FAM193A: variants seen among roughly 807,000 people sequenced by gnomAD.
The protein encoded by FAM193A is protein FAM193A.
Under a neutral mutation model 126.5 loss-of-function variants are expected in FAM193A, and 22 were observed. The observed-to-expected ratio is 0.17, with a 90% CI of 0.12 to 0.25. FAM193A has a LOEUF of 0.25. Ranked by LOEUF, FAM193A falls within the 10% of genes least tolerant of loss-of-function variation. FAM193A has a pLI of 1.00. For missense variants in FAM193A, 1,675 were observed against 1,672.8 expected (o/e 1.00, Z -0.02); for synonymous variants, 761 against 646.8 (o/e 1.18, Z -2.68).
chr4:2,706,845 G>A (rs1718366878), intron 19 of FAM193A, among the ~76,000 whole-genome samples: 1 of 151,756 alleles, frequency 6.6e-6, no homozygotes, highest in South Asian at 2.1e-4. Context: ...AAAGCTTGTT[G>A]GGGCCGGGCT....
At chr4:2,571,904 G>A (rs560526263) in intron 1 of FAM193A, among the ~76,000 whole-genome samples, 1 of 150,624 alleles carries the variant, frequency 6.6e-6, no homozygotes, top group African/African-American at 2.4e-5. Flanking sequence ...TGTGGCTCAC[G>A]CCTGTAATCC....
chr4:2,620,546 C>T (rs1742476302), intron 2 of FAM193A, among the ~76,000 whole-genome samples: 1 of 151,992 alleles, frequency 6.6e-6, no homozygotes, highest in South Asian at 2.1e-4. Context: ...ACATTTTTAA[C>T]ATAAAGAATA....
At chr4:2,725,950 G>A (rs965306838) in intron 20 of FAM193A, among the ~76,000 whole-genome samples, 4 of 151,786 alleles carry the variant, frequency 2.6e-5, no homozygotes, top group African/African-American at 9.7e-5. Flanking sequence ...CCAGGCTGGA[G>A]TGCAGTGGCG....
intron 1 of FAM193A, among the ~76,000 whole-genome samples, chr4:2,571,101 T>C (rs1370992586): frequency 6.6e-6 from 1 of 152,224 alleles, no homozygotes; most frequent in East Asian, 1.9e-4. Flanking sequence ...GGCTCTGCTC[T>C]TTAGTGACTC....
intron 1 of FAM193A, among the ~76,000 whole-genome samples, chr4:2,538,741 A>T (rs950161447): frequency 7.2e-5 from 11 of 152,212 alleles, no homozygotes; most frequent in Admixed American, 2.0e-4. Flanking sequence ...TTTTTGGTGT[A>T]GCTGGATGTG....
rs1030055861 is a variant in FAM193A at position 2,712,105 on chromosome 4, G to A, written c.4373-3918G>A. Among the ~76,000 whole-genome samples the A allele has an allele frequency of 2.4e-4, 36 of 152,018 alleles. 3 individuals are homozygous for A. On this transcript the variant is annotated intron_variant, in intron 19 of 20. Coordinates refer to ENST00000637812, the MANE Select transcript of FAM193A (RefSeq NM_001366318.2). The stretch of plus-strand genomic sequence containing the variant: ...GCAAAACCTATTGATACTTTCTGAG[G>A]CCCAGTGTATGTCAGCTTTTGTAAC...
intron 7 of FAM193A, among the ~76,000 whole-genome samples, chr4:2,653,622 G>C (rs995341273): frequency 1.3e-5 from 2 of 152,080 alleles, no homozygotes; most frequent in Admixed American, 1.3e-4. Flanking sequence ...TTTTGTATTT[G>C]TAGTAGAGAC....
intron 2 of FAM193A, among the ~76,000 whole-genome samples, chr4:2,610,456 T>G (rs2108941047): frequency 6.6e-6 from 1 of 152,318 alleles, no homozygotes; most frequent in African/African-American, 2.4e-5. Flanking sequence ...TGAAAGTAGT[T>G]GCTAATGTAA....
At chr4:2,632,317 G>T (rs375754430) in intron 5 of FAM193A, among the ~76,000 whole-genome samples, 1 of 152,088 alleles carries the variant, frequency 6.6e-6, no homozygotes, top group Non-Finnish European at 1.5e-5. Context: ...TGTAATCCTC[G>T]CACTTTGGGA....
At chr4:2,608,487 A>G (rs1741675428) in intron 2 of FAM193A, among the ~76,000 whole-genome samples, 1 of 152,134 alleles carries the variant, frequency 6.6e-6, no homozygotes, top group African/African-American at 2.4e-5. Flanking sequence ...TGCTGGGATT[A>G]CAGGAGTGAG....
chr4:2,718,574 AAAGT>A (rs1410989099), intron 20 of FAM193A, among the ~76,000 whole-genome samples: 1 of 152,132 alleles, frequency 6.6e-6, no homozygotes, highest in Non-Finnish European at 1.5e-5. Context: ...AAATACAAAA[AAAGT>A]AAGCCAGATA....
At chr4:2,540,824 A>G (rs1034904434) in intron 1 of FAM193A, among the ~76,000 whole-genome samples, 1 of 150,308 alleles carries the variant, frequency 6.7e-6, no homozygotes, top group Non-Finnish European at 1.5e-5. Context: ...AGCCGGGAAT[A>G]GTGGTGGATG....
At chr4:2,560,014 A>G (rs568943278) in intron 1 of FAM193A, among the ~76,000 whole-genome samples, 14 of 150,340 alleles carry the variant, frequency 9.3e-5, no homozygotes, top group East Asian at 3.9e-4. Context: ...GCTGGAGTGC[A>G]GTGGTGCGAT....
chr4:2,578,484 A>G (rs1471965463), intron 1 of FAM193A, among the ~76,000 whole-genome samples: 4 of 151,998 alleles, frequency 2.6e-5, no homozygotes, highest in Admixed American at 2.6e-4. Context: ...TCCATTTACA[A>G]AAAAGGCAAC....
chr4:2,553,419 T>C (rs1221392603), intron 1 of FAM193A, among the ~76,000 whole-genome samples: 9 of 147,432 alleles, frequency 6.1e-5, no homozygotes, highest in African/African-American at 2.3e-4. Context: ...TCTCACACTG[T>C]CGCCAGGTTA....
At chr4:2,710,161 G>GTTTTTTTT (rs796903801) in intron 19 of FAM193A, among the ~76,000 whole-genome samples, 13 of 91,810 alleles carry the variant, frequency 1.4e-4, no homozygotes, top group Middle Eastern at 7.2e-3. Context: ...TTCTTCTTTT[G>GTTTTTTTT]TTTTTTTTTT....
chr4:2,604,568 C>A (rs1741413832), intron 2 of FAM193A, among the ~76,000 whole-genome samples: 1 of 152,130 alleles, frequency 6.6e-6, no homozygotes, highest in Non-Finnish European at 1.5e-5. Context: ...ATTCCTGTTA[C>A]TGCACGGACC....
intron 6 of FAM193A, among the ~76,000 whole-genome samples, chr4:2,645,123 C>G (rs539279564): frequency 7.2e-5 from 11 of 151,864 alleles, no homozygotes; most frequent in African/African-American, 2.4e-4. Flanking sequence ...ACTGATTCTC[C>G]TAGATGTGCC....
At chr4:2,625,241 T>C (rs1577091025) in intron 2 of FAM193A, 21 bp from the exon 3 acceptor site, 1 of 696,710 alleles carries the variant, frequency 1.4e-6, no homozygotes. Context: ...ACTGGTCTAT[T>C]CTGTTCTCTT....
Sources: allele counts gnomAD v4.1 joint callset (sites outside exome capture counted in the v4.1 genomes callset), GRCh38; gene constraint gnomAD v4.1.1; transcripts MANE v1.5; gene names NCBI Gene and HGNC (gene_info 2026-07-23, HGNC 2026-07-21).